Variants in KCNIP4 observed in about 807,000 individuals in gnomAD.
KCNIP4 encodes the protein potassium voltage-gated channel interacting protein 4.
In KCNIP4, 12 loss-of-function variants were observed where a neutral mutation model predicts 34.0. The observed-to-expected ratio is 0.35, with a 90% CI of 0.23 to 0.57. The LOEUF is 0.57. KCNIP4 is among the 20% of genes least tolerant of loss of function. The pLI is 0.83. For missense variants in KCNIP4, 238 were observed against 311.7 expected (o/e 0.76, Z 1.78); for synonymous variants, 124 against 102.2 (o/e 1.21, Z -1.29).
intron 1 of KCNIP4, among the ~76,000 whole-genome samples, chr4:21,123,819 C>A (rs1750374959): frequency 6.6e-6 from 1 of 151,866 alleles, no homozygotes; most frequent in South Asian, 2.1e-4. Context: ...TTTCATGTAC[C>A]AAAGAAAGGC....
chr4:21,283,679 T>A (rs1395322225), intron 1 of KCNIP4, among the ~76,000 whole-genome samples: 2 of 145,120 alleles, frequency 1.4e-5, no homozygotes, highest in East Asian at 4.4e-4. Context: ...AGGGATAGCA[T>A]TAGGAGATAT....
At chr4:21,028,732 T>C (rs921430463) in intron 1 of KCNIP4, among the ~76,000 whole-genome samples, 2 of 152,152 alleles carry the variant, frequency 1.3e-5, no homozygotes, top group African/African-American at 4.8e-5. Flanking sequence ...TGGGGAAAGA[T>C]GATATGGAAA....
intron 1 of KCNIP4, among the ~76,000 whole-genome samples, chr4:21,379,858 G>A (rs1721318377): frequency 6.6e-6 from 1 of 151,910 alleles, no homozygotes; most frequent in Non-Finnish European, 1.5e-5. Flanking sequence ...AATTATGTAT[G>A]TCTGCTCCCC....
intron 1 of KCNIP4, among the ~76,000 whole-genome samples, chr4:21,220,374 A>G (rs1205325006): frequency 1.3e-5 from 2 of 152,144 alleles, no homozygotes; most frequent in Non-Finnish European, 2.9e-5. Flanking sequence ...TTAGATACCT[A>G]AGGAATAGAA....
intron 1 of KCNIP4, among the ~76,000 whole-genome samples, chr4:21,629,849 C>CTTTTTT (rs5856652): frequency 0.089 from 7,827 of 87,618 alleles, 942 homozygotes; most frequent in African/African-American, 0.1. Context: ...CTTTTTCTTT[C>CTTTTTT]TTTTTTTTTT....
intron 3 of KCNIP4, among the ~76,000 whole-genome samples, chr4:20,788,080 T>A (rs1023359291): frequency 6.6e-6 from 1 of 152,154 alleles, no homozygotes. Context: ...TTGTATGTAT[T>A]GCTCACTAGA....
chr4:21,323,532 T>C (rs190635622), intron 1 of KCNIP4, among the ~76,000 whole-genome samples: 22 of 152,220 alleles, frequency 1.4e-4, no homozygotes, highest in Admixed American at 6.5e-4. Context: ...TTTCTGTGCC[T>C]GGCTTATTTC....
chr4:21,337,274 A>G (rs1716270725), intron 1 of KCNIP4, among the ~76,000 whole-genome samples: 1 of 152,102 alleles, frequency 6.6e-6, no homozygotes, highest in Non-Finnish European at 1.5e-5. Flanking sequence ...TGATTTTTAA[A>G]CCCCTCAAAG....
At chr4:21,881,944 AG>A (rs1227763931) in intron 1 of KCNIP4, among the ~76,000 whole-genome samples, 4 of 152,166 alleles carry the variant, frequency 2.6e-5, no homozygotes, top group African/African-American at 9.7e-5. Flanking sequence ...GAACATATTA[AG>A]ACGGGAAAAG....
intron 1 of KCNIP4, among the ~76,000 whole-genome samples, chr4:21,935,636 A>G (rs1000349951): frequency 2.0e-5 from 3 of 151,864 alleles, no homozygotes; most frequent in Non-Finnish European, 4.4e-5. Context: ...CCTTCCAGAG[A>G]GCAAATGTCA....
In KCNIP4 at chr4:21,347,743, C is replaced by T. The variant is rs527389114; in HGVS notation, c.62-465034G>A. Among the ~76,000 whole-genome samples the T allele has an allele frequency of 5.3e-5, 8 of 152,294 alleles. No individual in the cohort carries two copies. The South Asian group carries it at 1.7e-3, about 32-fold the overall frequency. ...GCAGCAGCATCTTTTTGTAATGTGA[C>T]AGCATTTTCCCCCTTCATTCCTTCC... is the stretch of plus-strand genomic sequence containing the variant. On this transcript the variant is annotated intron_variant, in intron 1 of 8. Transcript: ENST00000382152.
intron 1 of KCNIP4, among the ~76,000 whole-genome samples, chr4:21,431,139 G>A (rs1367657151): frequency 1.3e-5 from 2 of 151,740 alleles, no homozygotes; most frequent in African/African-American, 2.4e-5. Flanking sequence ...AAAGAGGAAC[G>A]AAGGAGAAGG....
At chr4:21,551,303 C>T (rs1471238069) in intron 1 of KCNIP4, among the ~76,000 whole-genome samples, 2 of 152,042 alleles carry the variant, frequency 1.3e-5, no homozygotes, top group East Asian at 3.9e-4. Context: ...ATAAAACTGA[C>T]AAGATATCTA....
intron 1 of KCNIP4, among the ~76,000 whole-genome samples, chr4:21,227,792 A>G (rs1051887523): frequency 3.3e-5 from 5 of 152,188 alleles, no homozygotes; most frequent in African/African-American, 1.2e-4. Flanking sequence ...GGGGGTTCAG[A>G]AAGGATTCAG....
intron 5 of KCNIP4, among the ~76,000 whole-genome samples, chr4:20,742,308 A>G (rs1307545163): frequency 1.3e-5 from 2 of 152,220 alleles, no homozygotes; most frequent in African/African-American, 4.8e-5. Flanking sequence ...CATCGATGCA[A>G]AAATCCTCAA....
chr4:21,829,087 G>C (rs1722831491), intron 1 of KCNIP4, among the ~76,000 whole-genome samples: 1 of 151,802 alleles, frequency 6.6e-6, no homozygotes, highest in Non-Finnish European at 1.5e-5. Context: ...CAACACAGCA[G>C]ACAGTCCCCA....
intron 1 of KCNIP4, among the ~76,000 whole-genome samples, chr4:21,168,818 T>C (rs1361724008): frequency 6.6e-6 from 1 of 152,210 alleles, no homozygotes; most frequent in Non-Finnish European, 1.5e-5. Context: ...GTAGGATCTC[T>C]ACACTATCTT....
At chr4:20,827,448 G>A (rs1007218545) in intron 3 of KCNIP4, among the ~76,000 whole-genome samples, 16 of 152,058 alleles carry the variant, frequency 1.1e-4, no homozygotes, top group South Asian at 6.2e-4. Context: ...TTATGAAGAC[G>A]CAAGTCATAC....
intron 1 of KCNIP4, among the ~76,000 whole-genome samples, chr4:21,515,244 A>T (rs1734658332): frequency 6.6e-6 from 1 of 152,024 alleles, no homozygotes; most frequent in Admixed American, 6.6e-5. Context: ...GTACTGCCAT[A>T]CTCATTGCAT....
Sources: allele counts gnomAD v4.1 joint callset (sites outside exome capture counted in the v4.1 genomes callset), GRCh38; gene constraint gnomAD v4.1.1; transcripts MANE v1.5; gene names NCBI Gene and HGNC (gene_info 2026-07-23, HGNC 2026-07-21).